The following DLG1 variants were observed in gnomAD, a reference collection of about 807,000 sequenced individuals.
DLG1 encodes the protein discs large MAGUK scaffold protein 1, also known as disks large homolog 1.
DLG1 carries 42 observed loss-of-function variants against 123.4 expected under a neutral mutation model. The observed-to-expected ratio is 0.34, with a 90% CI of 0.27 to 0.44. The LOEUF (loss-of-function observed/expected upper bound fraction) is 0.44, where lower values mean the gene tolerates loss of function less well. DLG1 is among the 20% of genes least tolerant of loss of function. The pLI, the probability that DLG1 is intolerant of heterozygous loss-of-function variation, is 1.00. For synonymous variants in DLG1, 317 were observed against 356.2 expected (o/e 0.89, Z 1.24); for missense variants, 942 against 1,082.6 (o/e 0.87, Z 1.82).
chr3:197,297,120 A>G lies in DLG1; in HGVS notation c.19+66T>C, dbSNP rs1240333993. On this transcript the variant is annotated intron_variant, in intron 2 of 24. Transcript: ENST00000667157. ...GTTACACAAACGATTCTAAAACGGC[A>G]ATCAAAAAACTGACACACGGAAAAG... The G allele has an allele frequency of 4.5e-6, 7 of 1,571,406 alleles. No homozygotes were observed. The African/African-American group carries it at 5.4e-5, about 12-fold the overall frequency.
At chr3:197,255,225 C>CA (rs1260554333) in intron 4 of DLG1, among the ~76,000 whole-genome samples, 1 of 152,184 alleles carries the variant, frequency 6.6e-6, no homozygotes, top group African/African-American at 2.4e-5. Context: ...ACTAGACAAT[C>CA]ACAGCACTTT....
Position 197,085,691 on chromosome 3 carries a change from A to G in DLG1, c.1727T>C (p.Phe576Ser). The change falls in exon 16 of 25, where the codon TTT (phenylalanine) becomes TCT (serine). Residue 576 changes from phenylalanine (F) to serine (S), a missense_variant. By Grantham distance (155) the Phe-to-Ser change is radical. Transcript: ENST00000667157. ...GLPSQGLNFK[F>S]GDILHVINAS... is the part of the protein sequence containing the mutation. ...ATTAATAACATGGAGGATATCTCCA[A>G]ATTTGAAGTTCAGTCCCTGACTGGG... 7.4e-6 allele frequency: 12 copies of G among 1,613,872 alleles called. No homozygotes were observed. The highest frequency in any genetic ancestry group is 1.0e-5 in the Non-Finnish European group (12 of 1,179,954).
At chr3:197,142,981 T>C (rs1258616368) in intron 6 of DLG1, among the ~76,000 whole-genome samples, 1 of 152,232 alleles carries the variant, frequency 6.6e-6, no homozygotes, top group East Asian at 1.9e-4. Flanking sequence ...GTATCATGAC[T>C]TTCAAATCCA....
At chr3:197,066,617 A>G (rs1385148488) in intron 20 of DLG1, 87 bp downstream of exon 20, 1 of 1,023,304 alleles carries the variant, frequency 9.8e-7, no homozygotes. Flanking sequence ...TTAATACAAC[A>G]TTTTTTGGGG....
At chr3:197,238,563 G>C (rs1348120540) in intron 4 of DLG1, among the ~76,000 whole-genome samples, 2 of 152,162 alleles carry the variant, frequency 1.3e-5, no homozygotes, top group African/African-American at 4.8e-5. Context: ...AGTGAATACA[G>C]CCTAAGGGAT....
intron 5 of DLG1, among the ~76,000 whole-genome samples, chr3:197,176,515 T>C (rs1242001293): frequency 6.6e-6 from 1 of 152,164 alleles, no homozygotes; most frequent in Admixed American, 6.6e-5. Context: ...ATTGTTTCCA[T>C]AGTTTTGCCT....
chr3:197,184,236 A>G (rs1714396682), intron 5 of DLG1: 1 of 463,584 alleles, frequency 2.2e-6, no homozygotes, highest in South Asian at 8.6e-5. Flanking sequence ...GATTTAATGC[A>G]CTGCGTGGAA....
At chr3:197,253,680 G>A (rs1015146134) in intron 4 of DLG1, among the ~76,000 whole-genome samples, 1 of 152,098 alleles carries the variant, frequency 6.6e-6, no homozygotes, top group Non-Finnish European at 1.5e-5. Context: ...TGGTTGCTTT[G>A]AGTTAAGAAG....
chr3:197,110,707 C>CT lies in DLG1; in HGVS notation c.1443+5219dup, dbSNP rs1769445490. Among the ~76,000 whole-genome samples, 3 of 152,294 alleles carry CT rather than the reference C, an allele frequency of 2.0e-5. No individual in the cohort carries two copies. The South Asian group carries it at 6.2e-4, about 32-fold the overall frequency. On this transcript the variant is annotated intron_variant, in intron 13 of 24. Coordinates refer to ENST00000667157, the MANE Select transcript of DLG1 (RefSeq NM_001366207.1). The stretch of plus-strand genomic sequence containing the variant: ...TTCTTAATGTTATAAAGTCCGTATT[C>CT]TTTGTTGTGTGTGGCCACTGAGGTC...
chr3:197,273,568 A>G (rs1404245636), intron 4 of DLG1, among the ~76,000 whole-genome samples: 12 of 152,018 alleles, frequency 7.9e-5, no homozygotes, highest in Admixed American at 7.2e-4. Flanking sequence ...ACTGCCTCCT[A>G]AAACTCCACT....
intron 14 of DLG1, among the ~76,000 whole-genome samples, chr3:197,093,153 T>C (rs1172383921): frequency 1.3e-5 from 2 of 151,998 alleles, no homozygotes. Context: ...ACAAGCATAA[T>C]ACATTTCTTT....
At chr3:197,242,877 G>C (rs747564352) in intron 4 of DLG1, among the ~76,000 whole-genome samples, 1 of 152,126 alleles carries the variant, frequency 6.6e-6, no homozygotes, top group Non-Finnish European at 1.5e-5. Context: ...GTCACAGCAG[G>C]ATTGCTTGAG....
chr3:197,138,266 A>G lies in DLG1; in HGVS notation c.839T>C (p.Val280Ala), dbSNP rs746268013. Reference protein sequence around the residue: ...VRLYVKRRKPVSEKIMEIKLI... With the variant: ...VRLYVKRRKPASEKIMEIKLI... ...CTTTATTTCCATTATTTTTTCTGAC[A>G]CTGGTTTCCTTCTTTTTACATACAA... The change falls in exon 9 of 25, where the codon GTG becomes GCG. Residue 280 changes from valine (V) to alanine (A), a missense_variant. Val to Ala is a moderately conservative substitution (Grantham distance 64). Coordinates refer to ENST00000667157, the MANE Select transcript of DLG1 (RefSeq NM_001366207.1). 1 of 1,603,650 alleles carries G rather than the reference A, an allele frequency of 6.2e-7. No homozygotes were observed. Among genetic ancestry groups the G allele is most frequent in the South Asian group, 1.1e-5 (1 of 89,820 alleles).
At chr3:197,256,307 A>G (rs1401501639) in intron 4 of DLG1, among the ~76,000 whole-genome samples, 1 of 152,280 alleles carries the variant, frequency 6.6e-6, no homozygotes, top group Admixed American at 6.5e-5. Context: ...AAGCAGCCAT[A>G]CAAGGTAAGT....
intron 5 of DLG1, among the ~76,000 whole-genome samples, chr3:197,188,273 T>C (rs1163770775): frequency 6.6e-6 from 1 of 152,202 alleles, no homozygotes; most frequent in Non-Finnish European, 1.5e-5. Flanking sequence ...TCCTCTGACT[T>C]GGCATCTTAC....
At chr3:197,253,723 C>T (rs338203) in intron 4 of DLG1, among the ~76,000 whole-genome samples, 11 of 151,796 alleles carry the variant, frequency 7.2e-5, no homozygotes, top group African/African-American at 2.7e-4. Flanking sequence ...GGTGTGGCTA[C>T]AAAAAGGCCT....
At chr3:197,178,255 A>G (rs1808233869) in intron 5 of DLG1, among the ~76,000 whole-genome samples, 1 of 152,170 alleles carries the variant, frequency 6.6e-6, no homozygotes, top group Non-Finnish European at 1.5e-5. Flanking sequence ...CAGTAGTTGC[A>G]GAAGTGTTGA....
chr3:197,288,742 A>AC (rs59895670), intron 3 of DLG1, among the ~76,000 whole-genome samples: 24 of 77,392 alleles, frequency 3.1e-4, no homozygotes, highest in Non-Finnish European at 5.6e-4. Context: ...AAAAAAAAAA[A>AC]AATACATACA....
At chr3:197,046,174 A>G (rs1360709401) in intron 24 of DLG1, among the ~76,000 whole-genome samples, 1 of 152,184 alleles carries the variant, frequency 6.6e-6, no homozygotes, top group Non-Finnish European at 1.5e-5. Flanking sequence ...AGCACAGGAC[A>G]GAATCCCAGA....
Sources: allele counts gnomAD v4.1 joint callset (sites outside exome capture counted in the v4.1 genomes callset), GRCh38; gene constraint gnomAD v4.1.1; transcripts MANE v1.5; gene names NCBI Gene and HGNC (gene_info 2026-07-23, HGNC 2026-07-21).